The following SERGEF variants were observed in gnomAD, a reference collection of about 807,000 sequenced individuals.
SERGEF encodes secretion regulating guanine nucleotide exchange factor.
SERGEF carries 51 observed loss-of-function variants against 50.0 expected under a neutral mutation model. That is an observed-to-expected ratio of 1.02 (90% CI 0.81 to 1.29). The LOEUF (loss-of-function observed/expected upper bound fraction) is 1.29, where lower values mean the gene tolerates loss of function less well. SERGEF is among the 50% of genes most tolerant of loss of function. The probability of loss-of-function intolerance (pLI) is 0.00; values close to 1 mark genes in which losing one functional copy is unlikely to be tolerated. For synonymous variants in SERGEF, 205 were observed against 212.4 expected (o/e 0.97, Z 0.30); for missense variants, 521 against 557.0 (o/e 0.94, Z 0.65).
intron 10 of SERGEF, among the ~76,000 whole-genome samples, chr11:17,841,788 C>CAA (rs1350496555): frequency 6.6e-6 from 1 of 152,216 alleles, no homozygotes; most frequent in East Asian, 1.9e-4. Flanking sequence ...TCTCTGTACT[C>CAA]AAATCATATT....
chr11:17,889,444 TG>T (rs1357532795), intron 9 of SERGEF, among the ~76,000 whole-genome samples: 2 of 152,096 alleles, frequency 1.3e-5, no homozygotes, highest in African/African-American at 4.8e-5. Flanking sequence ...AATCCAATCA[TG>T]AGGAAAAATC....
intron 10 of SERGEF, among the ~76,000 whole-genome samples, chr11:17,860,451 T>C (rs1172335988): frequency 6.6e-6 from 1 of 152,130 alleles, no homozygotes; most frequent in African/African-American, 2.4e-5. Context: ...AAGCAACAGA[T>C]AAAATTTATT....
chr11:17,862,902 TCTG>T (rs1850951739), intron 10 of SERGEF, among the ~76,000 whole-genome samples: 1 of 152,248 alleles, frequency 6.6e-6, no homozygotes, highest in African/African-American at 2.4e-5. Flanking sequence ...GGGGCTGGTC[TCTG>T]CCCCTACAAA....
intron 10 of SERGEF, among the ~76,000 whole-genome samples, chr11:17,799,115 G>C (rs1849618712): frequency 2.0e-5 from 3 of 152,066 alleles, no homozygotes; most frequent in Non-Finnish European, 4.4e-5. Flanking sequence ...CTGGTAGCTT[G>C]TCCCCATTGC....
rs547338317 is a variant in SERGEF at position 17,925,250 on chromosome 11, C to T, written c.1011+34220G>A. 3.7e-5 allele frequency among the ~76,000 whole-genome samples: 5 copies of T among 133,782 alleles called. No individual in the cohort carries two copies. The East Asian group carries it at 1.1e-3, about 29-fold the overall frequency. 87.8% of individuals were successfully genotyped at this position (133,782 alleles called of 152,430 possible). ...TCTAAGGTCCCAGAAGTCCATCTGT[C>T]TGTCACACACATCACAAGGGCACCA... On this transcript the variant is annotated intron_variant, in intron 9 of 10. Coordinates refer to ENST00000265965, the MANE Select transcript of SERGEF (RefSeq NM_012139.4).
At chr11:17,822,047 A>C (rs1850096782) in intron 10 of SERGEF, among the ~76,000 whole-genome samples, 1 of 152,152 alleles carries the variant, frequency 6.6e-6, no homozygotes, top group South Asian at 2.1e-4. Flanking sequence ...ACTCCCTCTA[A>C]ACAGAAGCCA....
At chr11:17,900,173 C>T (rs1219589183) in intron 9 of SERGEF, among the ~76,000 whole-genome samples, 4 of 152,214 alleles carry the variant, frequency 2.6e-5, no homozygotes, top group East Asian at 1.9e-4. Context: ...TAGAAACAGA[C>T]GGCCTGAGTT....
chr11:17,858,866 G>C (rs971743213), intron 10 of SERGEF, among the ~76,000 whole-genome samples: 1 of 152,110 alleles, frequency 6.6e-6, no homozygotes, highest in Non-Finnish European at 1.5e-5. Context: ...TGAAGTTAAG[G>C]AGAGGGACAC....
chr11:17,824,194 A>G (rs561551021), intron 10 of SERGEF, among the ~76,000 whole-genome samples: 312 of 152,124 alleles, frequency 2.1e-3, no homozygotes, highest in African/African-American at 7.3e-3. Flanking sequence ...CTAGCTACTC[A>G]GGAGGCTGAG....
At position 18,006,710 on chromosome 11, in the gene SERGEF, T is replaced by C; in HGVS notation, c.233A>G (p.Asp78Gly). The C allele has an allele frequency of 1.9e-6, 3 of 1,614,180 alleles. No individual in the cohort carries two copies. The highest frequency in any genetic ancestry group is 2.5e-6 in the Non-Finnish European group (3 of 1,180,014). The change falls in exon 3 of 11, where the codon GAT becomes GGT. Residue 78 changes from aspartate (D) to glycine (G), a missense_variant. By Grantham distance (94) the Asp-to-Gly change is moderately conservative. Coordinates refer to ENST00000265965, the MANE Select transcript of SERGEF (RefSeq NM_012139.4). ...GDLFVCGLNK[D>G]GQLGLGHTED... ...TGTGTGACCAAGCCCCAGTTGCCCATCTTTGTTCAGGCCACAAACAAAGAG... is the reference window on the plus strand; with the variant it reads ...TGTGTGACCAAGCCCCAGTTGCCCACCTTTGTTCAGGCCACAAACAAAGAG...
Position 17,858,421 on chromosome 11 carries a change from C to G in SERGEF, c.1048+19787G>C, listed in dbSNP as rs558861032. Among the ~76,000 whole-genome samples the G allele has an allele frequency of 2.6e-5, 4 of 152,240 alleles. No individual in the cohort carries two copies. In the East Asian group the frequency reaches 7.7e-4, roughly 29 times the overall value. On this transcript the variant is annotated intron_variant, in intron 10 of 10. Transcript: ENST00000265965. Reference sequence around the variant, plus strand: ...CCAGCCCCCTTCCGGCATCCTGCTCCAGAAAGTCAACAACTAAGCATATAC... The same window carrying G: ...CCAGCCCCCTTCCGGCATCCTGCTCGAGAAAGTCAACAACTAAGCATATAC...
intron 9 of SERGEF, among the ~76,000 whole-genome samples, chr11:17,916,330 A>G (rs1852047765): frequency 6.6e-6 from 1 of 152,230 alleles, no homozygotes; most frequent in Non-Finnish European, 1.5e-5. Flanking sequence ...GGCTGAGTGC[A>G]GCTTTCAGTG....
At chr11:17,826,965 T>A (rs1412908890) in intron 10 of SERGEF, among the ~76,000 whole-genome samples, 1 of 152,272 alleles carries the variant, frequency 6.6e-6, no homozygotes, top group East Asian at 1.9e-4. Context: ...TAGAAAGTGG[T>A]GAAGATGGGA....
At chr11:17,911,844 G>A (rs928966748) in intron 9 of SERGEF, among the ~76,000 whole-genome samples, 10 of 152,092 alleles carry the variant, frequency 6.6e-5, no homozygotes, top group African/African-American at 2.2e-4. Context: ...TCACCAAAAA[G>A]TCCCCTCGTA....
At chr11:17,972,968 AATC>A (rs886294316) in intron 8 of SERGEF, among the ~76,000 whole-genome samples, 4 of 152,040 alleles carry the variant, frequency 2.6e-5, no homozygotes, top group Admixed American at 1.3e-4. Flanking sequence ...TCCGTTGCAA[AATC>A]ATCAGCAGTT....
At chr11:17,804,102 A>G (rs1304628242) in intron 10 of SERGEF, among the ~76,000 whole-genome samples, 1 of 152,176 alleles carries the variant, frequency 6.6e-6, no homozygotes, top group Non-Finnish European at 1.5e-5. Context: ...TGGGTCTTGC[A>G]ATCTCCAACT....
In SERGEF at chr11:17,968,304, C is replaced by T. The variant is rs576093682; in HGVS notation, c.845-8668G>A. Among the ~76,000 whole-genome samples the T allele has an allele frequency of 1.0e-3, 157 of 152,326 alleles. 2 individuals are homozygous for T. The highest frequency in any genetic ancestry group is 3.4e-3 in the Middle Eastern group (1 of 294). The stretch of plus-strand genomic sequence containing the variant: ...AAAACAAATAATTTTCCAAGTCACA[C>T]AGCCTATATAGATAGAAACAGATCC... On this transcript the variant is annotated intron_variant, in intron 8 of 10. Transcript: ENST00000265965.
chr11:18,005,097 C>T (rs1854047006), intron 3 of SERGEF, among the ~76,000 whole-genome samples: 1 of 152,180 alleles, frequency 6.6e-6, no homozygotes, highest in Non-Finnish European at 1.5e-5. Flanking sequence ...TAATACTGTC[C>T]TCCAATTTAG....
intron 8 of SERGEF, among the ~76,000 whole-genome samples, chr11:17,966,687 C>G (rs1012651909): frequency 1.3e-5 from 2 of 152,080 alleles, no homozygotes; most frequent in Non-Finnish European, 1.5e-5. Context: ...AGTAAAATGT[C>G]ACAAGTTTCC....
Sources: gnomAD v4.1 joint callset for allele counts (sites outside exome capture counted in the v4.1 genomes callset) on GRCh38, gnomAD v4.1.1 for gene constraint, MANE v1.5 for transcripts, NCBI Gene and HGNC (gene_info 2026-07-23, HGNC 2026-07-21) for gene names.